Variants in ZRANB3 observed in about 807,000 individuals in gnomAD.
ZRANB3 encodes the protein DNA annealing helicase and endonuclease ZRANB3.
A neutral mutation model predicts 133.8 loss-of-function variants in ZRANB3; 125 were observed. That is an observed-to-expected ratio of 0.93 (90% CI 0.81 to 1.08). The LOEUF (loss-of-function observed/expected upper bound fraction) is 1.08, where lower values mean the gene tolerates loss of function less well. Ranked by LOEUF, ZRANB3 falls within the 50% of genes least tolerant of loss-of-function variation. The pLI, the probability that ZRANB3 is intolerant of heterozygous loss-of-function variation, is 0.00. For missense variants in ZRANB3, 1,229 were observed against 1,275.5 expected, an observed-to-expected ratio of 0.96 and a Z score of 0.56; for synonymous variants, 387 against 432.7, an observed-to-expected ratio of 0.89 and a Z score of 1.31.
intron 3 of ZRANB3, among the ~76,000 whole-genome samples, chr2:135,356,707 T>C (rs570638112): frequency 6.6e-6 from 1 of 152,322 alleles, no homozygotes; most frequent in Non-Finnish European, 1.5e-5. Flanking sequence ...TTAAAAATTC[T>C]TGGGGTTTTT....
rs560985592 is a variant in ZRANB3, at chr2:135,450,989, T to C, written c.161+53340A>G. 9.1e-4 allele frequency among the ~76,000 whole-genome samples: 139 copies of C among 152,352 alleles called. 1 individual carries two copies. Among genetic ancestry groups the C allele is most frequent in the Middle Eastern group, 6.8e-3 (2 of 294 alleles). ...ACAGGTAAAGAATCACTTGAAAGAT[T>C]TGAGGGAACAATCTCCAGACCAGGA... On this transcript the variant is annotated intron_variant, in intron 2 of 20. Coordinates refer to ENST00000264159, the MANE Select transcript of ZRANB3 (RefSeq NM_032143.4).
intron 2 of ZRANB3, among the ~76,000 whole-genome samples, chr2:135,497,091 A>G (rs905170948): frequency 2.6e-5 from 4 of 152,252 alleles, no homozygotes; most frequent in Non-Finnish European, 5.9e-5. Flanking sequence ...CAGGACACCG[A>G]AAGAGCAATT....
At position 135,491,828 on chromosome 2, in the gene ZRANB3, T is replaced by C. The variant is rs1334100493; in HGVS notation, c.161+12501A>G. 3.3e-5 allele frequency among the ~76,000 whole-genome samples: 5 copies of C among 152,130 alleles called. No individual in the cohort carries two copies. The South Asian group carries it at 8.3e-4, about 25-fold the overall frequency. On this transcript the variant is annotated intron_variant, in intron 2 of 20. Transcript: ENST00000264159. Reference sequence around the variant, plus strand: ...CCACGCCCAGCCACATGAGTATTTTTATAAATGAAAAGTGTAAGTATTATT... The same window carrying C: ...CCACGCCCAGCCACATGAGTATTTTCATAAATGAAAAGTGTAAGTATTATT...
At chr2:135,446,262 T>C (rs1156818399) in intron 2 of ZRANB3, among the ~76,000 whole-genome samples, 11 of 151,262 alleles carry the variant, frequency 7.3e-5, no homozygotes, top group African/African-American at 2.2e-4. Flanking sequence ...GGATAGTTCA[T>C]CCAGGGTATT....
chr2:135,501,013 A>G (rs1337895330), intron 2 of ZRANB3, among the ~76,000 whole-genome samples: 1 of 152,120 alleles, frequency 6.6e-6, no homozygotes, highest in Admixed American at 6.6e-5. Context: ...AGAATTTCCT[A>G]GAATCAACAG....
At chr2:135,501,956 G>T (rs769241465) in intron 2 of ZRANB3, among the ~76,000 whole-genome samples, 3 of 151,894 alleles carry the variant, frequency 2.0e-5, no homozygotes, top group African/African-American at 2.4e-5. Context: ...GAGACTCAAG[G>T]GTATTATCAA....
intron 2 of ZRANB3, among the ~76,000 whole-genome samples, chr2:135,460,571 C>T (rs1001685938): frequency 6.6e-6 from 1 of 151,832 alleles, no homozygotes; most frequent in Non-Finnish European, 1.5e-5. Context: ...CTGGACGAAA[C>T]GGCTAACTTT....
chr2:135,357,405 C>G (rs1017548251), intron 3 of ZRANB3, among the ~76,000 whole-genome samples: 2 of 152,230 alleles, frequency 1.3e-5, no homozygotes, highest in African/African-American at 4.8e-5. Flanking sequence ...AAGCGATTCT[C>G]CTGCCTCAGC....
intron 6 of ZRANB3, among the ~76,000 whole-genome samples, chr2:135,330,523 T>C (rs911877356): frequency 1.3e-5 from 2 of 152,196 alleles, no homozygotes; most frequent in Non-Finnish European, 2.9e-5. Flanking sequence ...TGTTTTTTTG[T>C]CATGTCTCTG....
At chr2:135,432,326 A>T (rs1174020585) in intron 2 of ZRANB3, among the ~76,000 whole-genome samples, 3 of 152,344 alleles carry the variant, frequency 2.0e-5, no homozygotes, top group South Asian at 2.1e-4. Context: ...AGAGGAATTT[A>T]AAAAAGACAT....
chr2:135,402,706 C>A (rs2104941144), intron 2 of ZRANB3, among the ~76,000 whole-genome samples: 1 of 152,082 alleles, frequency 6.6e-6, no homozygotes, highest in Non-Finnish European at 1.5e-5. Context: ...CCTGCTCAGC[C>A]TCCTGAGTAG....
chr2:135,199,848 T>C lies in ZRANB3; in HGVS notation c.*494A>G. 1 of 158,740 alleles carries C rather than the reference T, an allele frequency of 6.3e-6. No individual in the cohort carries two copies. The highest frequency in any genetic ancestry group is 1.4e-5 in the Non-Finnish European group (1 of 72,392). 9.8% of individuals were successfully genotyped at this position (158,740 alleles called of 1,614,324 possible). ...GTGTGCCCCTAGCTCATTCTGGAGG[T>C]ATTTAGTGGACAGTCTCTCTTGAAT... On this transcript the variant is annotated 3_prime_UTR_variant, in exon 21 of 21. Coordinates refer to ENST00000264159, the MANE Select transcript of ZRANB3 (RefSeq NM_032143.4).
At chr2:135,454,353 A>G (rs980084412) in intron 2 of ZRANB3, among the ~76,000 whole-genome samples, 3 of 152,166 alleles carry the variant, frequency 2.0e-5, no homozygotes, top group African/African-American at 7.2e-5. Flanking sequence ...ATTGTTTCGG[A>G]GCCTTTCACA....
intron 6 of ZRANB3, among the ~76,000 whole-genome samples, chr2:135,337,670 AAATT>A: frequency 6.6e-6 from 1 of 152,334 alleles, no homozygotes; most frequent in South Asian, 2.1e-4. Context: ...TGATGTTAGC[AAATT>A]AATTATGCCC....
chr2:135,506,039 GCA>G (rs1249984762), intron 1 of ZRANB3, among the ~76,000 whole-genome samples: 1 of 152,124 alleles, frequency 6.6e-6, no homozygotes, highest in Non-Finnish European at 1.5e-5. Context: ...CGAGGAAAGA[GCA>G]TCACTGCAAA....
At chr2:135,384,071 G>C (rs963499333) in intron 3 of ZRANB3, among the ~76,000 whole-genome samples, 2 of 152,080 alleles carry the variant, frequency 1.3e-5, no homozygotes, top group African/African-American at 4.8e-5. Flanking sequence ...TTTTTGAAAA[G>C]ATCAACAAAA....
At chr2:135,529,427 G>T (rs1453040719) in intron 1 of ZRANB3, among the ~76,000 whole-genome samples, 1 of 152,104 alleles carries the variant, frequency 6.6e-6, no homozygotes, top group African/African-American at 2.4e-5. Context: ...TGTGGCCGAT[G>T]AATAAAGGCA....
rs536301910 is a variant in ZRANB3 at position 135,236,635 on chromosome 2, C to A, written c.1540-5708G>T. Among the ~76,000 whole-genome samples, 671 of 152,240 alleles carry A rather than the reference C, an allele frequency of 4.4e-3. 4 individuals carry two copies. The highest frequency in any genetic ancestry group is 6.8e-3 in the Non-Finnish European group (464 of 68,016). On this transcript the variant is annotated intron_variant, in intron 12 of 20. Transcript: ENST00000264159. ...AACAGAGCCCTCAGAAATAATGCCG[C>A]ATATCTACAACTATCTGATCTTTGA...
Position 135,511,564 on chromosome 2 carries a change from T to G in ZRANB3, c.-7-7068A>C, listed in dbSNP as rs991102426. The G allele has an allele frequency of 5.9e-4, 589 of 998,282 alleles. 9 individuals are homozygous for G. Among genetic ancestry groups the G allele is most frequent in the Non-Finnish European group, 9.7e-5 (60 of 620,922 alleles). The allele number at this position is 998,282 out of a possible 1,614,324, so 61.8% of individuals were successfully genotyped here. ...ATCTTGCTATCTGAAGATATCATTG[T>G]GAACATAGAACTGATTTGCAACAGA... On this transcript the variant is annotated intron_variant, in intron 1 of 20. Coordinates refer to ENST00000264159, the MANE Select transcript of ZRANB3 (RefSeq NM_032143.4).
Sources: gnomAD v4.1 joint callset for allele counts (sites outside exome capture counted in the v4.1 genomes callset) on GRCh38, gnomAD v4.1.1 for gene constraint, MANE v1.5 for transcripts, NCBI Gene and HGNC (gene_info 2026-07-23, HGNC 2026-07-21) for gene names.